Variants in CDKL2 observed in about 807,000 individuals in gnomAD.
The protein encoded by CDKL2 is cyclin-dependent kinase-like 2.
Under a neutral mutation model 63.9 loss-of-function variants are expected in CDKL2, and 64 were observed. The observed-to-expected ratio is 1.00, with a 90% CI of 0.82 to 1.23. The LOEUF is 1.23. Ranked by LOEUF, CDKL2 falls within the 50% of genes most tolerant of loss-of-function variation. CDKL2 has a pLI of 0.00. For missense variants in CDKL2, 656 were observed against 668.0 expected, an observed-to-expected ratio of 0.98 and a Z score of 0.20; for synonymous variants, 211 against 229.2, an observed-to-expected ratio of 0.92 and a Z score of 0.72.
chr4:75,581,145 C>T (rs964593328), intron 13 of CDKL2, among the ~76,000 whole-genome samples: 1 of 152,204 alleles, frequency 6.6e-6, no homozygotes, highest in Non-Finnish European at 1.5e-5. Flanking sequence ...GCTGCATATA[C>T]AATGGTAGTC....
intron 5 of CDKL2, among the ~76,000 whole-genome samples, chr4:75,605,170 A>C (rs994061974): frequency 6.6e-6 from 1 of 152,178 alleles, no homozygotes; most frequent in Non-Finnish European, 1.5e-5. Flanking sequence ...ACTGACCAAC[A>C]TGGAGAAACG....
chr4:75,601,849 T>C (rs1469010051), intron 6 of CDKL2, among the ~76,000 whole-genome samples: 1 of 152,184 alleles, frequency 6.6e-6, no homozygotes, highest in African/African-American at 2.4e-5. Flanking sequence ...TATAAGCTTA[T>C]TAAACGTCAT....
At chr4:75,626,726 A>C (rs1341206099) in intron 1 of CDKL2, among the ~76,000 whole-genome samples, 1 of 150,950 alleles carries the variant, frequency 6.6e-6, no homozygotes, top group African/African-American at 2.4e-5. Flanking sequence ...CTGTCTCTAC[A>C]AAAGACATTT....
At chr4:75,594,276 C>T (rs779255206) in intron 10 of CDKL2, among the ~76,000 whole-genome samples, 90 of 151,922 alleles carry the variant, frequency 5.9e-4, no homozygotes, top group Non-Finnish European at 1.1e-3. Flanking sequence ...GGAGAAACCC[C>T]GCCTCTACTA....
chr4:75,591,836 T>A lies in CDKL2; in HGVS notation c.1630A>T (p.Ser544Cys). ...SLAAIDLHTP[S>C]ITLHQVSGPP... ...TTCTGTACCTGATGTAATGTAATAC[T>A]GGGGGTGTGCAGGTCAATAGCAGCC... Residue 544 changes from serine (S) to cysteine (C), a missense_variant, in exon 12 of 14, where the codon AGT becomes TGT. By Grantham distance (112) the Ser-to-Cys change is moderately radical. Transcript: ENST00000307465. 6.5e-7 allele frequency: 1 copy of A among 1,535,186 alleles called. No individual in the cohort carries two copies. Among genetic ancestry groups the A allele is most frequent in the Non-Finnish European group, 8.7e-7 (1 of 1,146,152 alleles).
intron 7 of CDKL2, among the ~76,000 whole-genome samples, chr4:75,599,751 C>T (rs888750362): frequency 6.6e-6 from 1 of 152,110 alleles, no homozygotes; most frequent in Non-Finnish European, 1.5e-5. Context: ...TATTAAGCTA[C>T]GTGTTACTGC....
chr4:75,583,428 C>A (rs1728342010), intron 12 of CDKL2, among the ~76,000 whole-genome samples: 1 of 152,174 alleles, frequency 6.6e-6, no homozygotes, highest in African/African-American at 2.4e-5. Context: ...CCTTTGCATT[C>A]CAAAATCACT....
chr4:75,598,053 A>C (rs1368242484), intron 8 of CDKL2, 24 bp downstream of exon 8: 1 of 1,419,496 alleles, frequency 7.0e-7, no homozygotes, highest in African/African-American at 1.5e-5. Flanking sequence ...TATTAAATCT[A>C]AAATGTGAAA....
intron 2 of CDKL2, among the ~76,000 whole-genome samples, chr4:75,623,421 G>T (rs905021780): frequency 3.3e-5 from 5 of 152,212 alleles, no homozygotes; most frequent in Admixed American, 1.3e-4. Flanking sequence ...TGGGGAAAAA[G>T]ATGGTATTTT....
intron 2 of CDKL2, among the ~76,000 whole-genome samples, chr4:75,615,935 G>A (rs771558793): frequency 6.6e-6 from 1 of 152,204 alleles, no homozygotes; most frequent in Non-Finnish European, 1.5e-5. Context: ...AGGCTGCAAT[G>A]AGTGTGGTGA....
intron 10 of CDKL2, among the ~76,000 whole-genome samples, chr4:75,593,292 C>T (rs1428993128): frequency 1.3e-5 from 2 of 151,482 alleles, no homozygotes; most frequent in East Asian, 1.9e-4. Flanking sequence ...ACCAGATTAA[C>T]ATATTCAAAG....
At chr4:75,620,651 A>C (rs977711984) in intron 2 of CDKL2, among the ~76,000 whole-genome samples, 1 of 152,214 alleles carries the variant, frequency 6.6e-6, no homozygotes, top group Non-Finnish European at 1.5e-5. Context: ...TGAGCCAGGC[A>C]ATTAGGGCCA....
Position 75,625,880 on chromosome 4 carries a change from C to T in CDKL2, c.109G>A (p.Glu37Lys). ...GRIVAIKKFLESDDDKMVKKI... is the reference protein window; with the variant it reads ...GRIVAIKKFLKSDDDKMVKKI... ...TTAACCATTTTGTCATCGTCACTTTCTAAGAACTTCTTTATGGCCACAATT... is the reference window on the plus strand; with the variant it reads ...TTAACCATTTTGTCATCGTCACTTTTTAAGAACTTCTTTATGGCCACAATT... Residue 37 changes from glutamate (E) to lysine (K), a missense_variant, in exon 2 of 14, where the codon GAA becomes AAA. Transcript: ENST00000307465. 6.2e-7 allele frequency: 1 copy of T among 1,613,450 alleles called. No homozygotes were observed. Among genetic ancestry groups the T allele is most frequent in the African/African-American group, 1.3e-5 (1 of 75,014 alleles).
chr4:75,581,576 T>C (rs969741684), intron 13 of CDKL2, among the ~76,000 whole-genome samples: 4 of 152,200 alleles, frequency 2.6e-5, no homozygotes, highest in African/African-American at 9.7e-5. Flanking sequence ...CTATATCCAA[T>C]AAAATGCAGG....
chr4:75,608,780 G>C (rs1461983974), intron 3 of CDKL2, among the ~76,000 whole-genome samples: 1 of 152,034 alleles, frequency 6.6e-6, no homozygotes, highest in Non-Finnish European at 1.5e-5. Context: ...GATCACTTGA[G>C]GTCAGGAGTT....
chr4:75,617,698 T>C (rs1323632076), intron 2 of CDKL2, among the ~76,000 whole-genome samples: 4 of 152,238 alleles, frequency 2.6e-5, no homozygotes, highest in South Asian at 2.1e-4. Context: ...TAAAACTTTT[T>C]ACTCTTTAAA....
intron 12 of CDKL2, among the ~76,000 whole-genome samples, chr4:75,583,856 A>G (rs1238241607): frequency 2.0e-5 from 3 of 152,214 alleles, no homozygotes; most frequent in Admixed American, 2.0e-4. Flanking sequence ...AAAAATACTG[A>G]AACTATTCAA....
chr4:75,596,124 T>C, intron 10 of CDKL2, 123 bp downstream of exon 10: 3 of 612,314 alleles, frequency 4.9e-6, no homozygotes, highest in Non-Finnish European at 8.7e-6. Context: ...ATATGCACAA[T>C]TAAGGTTTCA....
intron 10 of CDKL2, among the ~76,000 whole-genome samples, chr4:75,593,345 T>C (rs1265182449): frequency 1.3e-5 from 2 of 151,716 alleles, no homozygotes. Flanking sequence ...AATATATTTA[T>C]TCACACATCA....
Sources: gnomAD v4.1 joint callset for allele counts (sites outside exome capture counted in the v4.1 genomes callset) on GRCh38, gnomAD v4.1.1 for gene constraint, MANE v1.5 for transcripts, NCBI Gene and HGNC (gene_info 2026-07-23, HGNC 2026-07-21) for gene names.